DPP10: variants seen among roughly 807,000 people sequenced by gnomAD.
DPP10 encodes dipeptidyl peptidase like 10.
DPP10 carries 33 observed loss-of-function variants against 120.9 expected under a neutral mutation model. The observed-to-expected ratio is 0.27, with a 90% confidence interval of 0.21 to 0.37. The LOEUF (loss-of-function observed/expected upper bound fraction) is 0.37, where lower values mean the gene tolerates loss of function less well. DPP10 is among the 10% of genes least tolerant of loss of function. The probability of loss-of-function intolerance (pLI) is 1.00; values close to 1 mark genes in which losing one functional copy is unlikely to be tolerated. For synonymous variants in DPP10, 337 were observed against 326.1 expected (o/e 1.03, Z -0.36); for missense variants, 816 against 942.8 (o/e 0.87, Z 1.76).
intron 1 of DPP10, among the ~76,000 whole-genome samples, chr2:115,222,928 G>A (rs150643228): frequency 7.2e-5 from 11 of 152,088 alleles, no homozygotes; most frequent in Admixed American, 5.9e-4. Context: ...GTAGCATACC[G>A]AAAGAACAAA....
rs533869623 is a variant in DPP10 at position 114,473,299 on chromosome 2, G to C, written c.60+30461G>C. 3.3e-5 allele frequency among the ~76,000 whole-genome samples: 5 copies of C among 152,246 alleles called. No individual in the cohort carries two copies. The East Asian group carries it at 9.6e-4, about 29-fold the overall frequency. The stretch of plus-strand genomic sequence containing the variant: ...TAAAATTACTCATTCACTTTTCTAT[G>C]ATGAATGAAACTCTAGTGATAAATA... On this transcript the variant is annotated intron_variant, in intron 1 of 25. Coordinates refer to ENST00000410059, the MANE Select transcript of DPP10 (RefSeq NM_020868.6).
chr2:114,728,077 T>C (rs1302827006), intron 1 of DPP10, among the ~76,000 whole-genome samples: 1 of 152,174 alleles, frequency 6.6e-6, no homozygotes, highest in Non-Finnish European at 1.5e-5. Context: ...TTTTCCTTCT[T>C]CTCTTTTCCA....
In DPP10 at chr2:115,842,426, C is replaced by CTTCTCAGATA; in HGVS notation, c.*81_*82insTTCTCAGATA. Reference sequence around the variant, plus strand: ...AAGAGACTGTAATATTGTAGTTGCTCCAGAATGTCAAGGGCAGCTTACGGA... The same window carrying CTTCTCAGATA: ...AAGAGACTGTAATATTGTAGTTGCTCTTCTCAGATACAGAATGTCAAGGGCAGCTTACGGA... On this transcript the variant is annotated 3_prime_UTR_variant, in exon 26 of 26. Transcript: ENST00000410059. 1 of 1,498,864 alleles carries CTTCTCAGATA rather than the reference C, an allele frequency of 6.7e-7. No individual in the cohort carries two copies. Among genetic ancestry groups the CTTCTCAGATA allele is most frequent in the Non-Finnish European group, 9.0e-7 (1 of 1,112,668 alleles). 92.8% of individuals were successfully genotyped at this position (1,498,864 alleles called of 1,614,324 possible). A position where few individuals can be genotyped will look rare whatever the true frequency, so the allele number is the denominator to read the frequency against.
intron 1 of DPP10, among the ~76,000 whole-genome samples, chr2:114,734,401 G>A (rs930638368): frequency 6.6e-6 from 1 of 152,058 alleles, no homozygotes; most frequent in Non-Finnish European, 1.5e-5. Flanking sequence ...TCAATCACAG[G>A]TCTTTAAACA....
intron 1 of DPP10, among the ~76,000 whole-genome samples, chr2:115,169,569 A>G (rs1055059596): frequency 3.9e-5 from 6 of 152,128 alleles, no homozygotes; most frequent in Non-Finnish European, 5.9e-5. Flanking sequence ...TGAAGAGTCT[A>G]TTTTCACAAA....
At chr2:115,100,512 T>A (rs2048633644) in intron 1 of DPP10, among the ~76,000 whole-genome samples, 1 of 151,736 alleles carries the variant, frequency 6.6e-6, no homozygotes, top group Admixed American at 6.6e-5. Context: ...TATATAAGAA[T>A]TATATATATA....
intron 1 of DPP10, among the ~76,000 whole-genome samples, chr2:114,771,539 A>G (rs553494311): frequency 1.4e-3 from 207 of 152,352 alleles, no homozygotes; most frequent in Admixed American, 2.0e-3. Context: ...AAGAGCACAA[A>G]CGATCTTGTG....
intron 5 of DPP10, among the ~76,000 whole-genome samples, chr2:115,655,967 G>A (rs1366040489): frequency 1.3e-5 from 2 of 151,510 alleles, no homozygotes; most frequent in Admixed American, 1.3e-4. Context: ...CAGGGACTGC[G>A]TGAGGAGAAA....
At chr2:115,607,805 A>T (rs2083799665) in intron 5 of DPP10, among the ~76,000 whole-genome samples, 1 of 152,102 alleles carries the variant, frequency 6.6e-6, no homozygotes, top group African/African-American at 2.4e-5. Flanking sequence ...AATGTAAAGG[A>T]AGTAGACGCC....
At chr2:114,739,036 C>T (rs551268687) in intron 1 of DPP10, among the ~76,000 whole-genome samples, 1 of 152,274 alleles carries the variant, frequency 6.6e-6, no homozygotes, top group African/African-American at 2.4e-5. Context: ...ATTTACTCTG[C>T]CCATTTCCTA....
intron 1 of DPP10, among the ~76,000 whole-genome samples, chr2:114,443,629 T>C (rs1388592548): frequency 6.6e-6 from 1 of 151,948 alleles, no homozygotes; most frequent in East Asian, 1.9e-4. Flanking sequence ...TTTACTTGAA[T>C]TGTATTATTA....
intron 1 of DPP10, among the ~76,000 whole-genome samples, chr2:115,105,207 A>G (rs980630439): frequency 1.3e-5 from 2 of 152,130 alleles, no homozygotes; most frequent in Admixed American, 6.6e-5. Flanking sequence ...TGAGATGATT[A>G]TGTCATGATT....
At chr2:115,682,543 A>G (rs533484320) in intron 5 of DPP10, among the ~76,000 whole-genome samples, 6 of 151,914 alleles carry the variant, frequency 3.9e-5, no homozygotes, top group Non-Finnish European at 8.8e-5. Flanking sequence ...GCTTATTTAT[A>G]TAACAGGGAA....
At chr2:114,941,049 C>T (rs567896866) in intron 1 of DPP10, among the ~76,000 whole-genome samples, 112 of 152,238 alleles carry the variant, frequency 7.4e-4, no homozygotes, top group Non-Finnish European at 1.2e-3. Context: ...ATCACATTAC[C>T]GAATACTTTT....
intron 1 of DPP10, among the ~76,000 whole-genome samples, chr2:115,308,442 C>T (rs2061445674): frequency 6.6e-6 from 1 of 152,030 alleles, no homozygotes; most frequent in African/African-American, 2.4e-5. Flanking sequence ...GCAAAAAAAG[C>T]TGACTTTCAT....
intron 4 of DPP10, among the ~76,000 whole-genome samples, chr2:115,503,261 T>C (rs1453238502): frequency 1.3e-5 from 2 of 152,120 alleles, no homozygotes; most frequent in African/African-American, 4.8e-5. Flanking sequence ...GGAAGATTCA[T>C]TGATTTATAA....
At chr2:115,343,116 G>A (rs2063531335) in intron 2 of DPP10, among the ~76,000 whole-genome samples, 1 of 152,148 alleles carries the variant, frequency 6.6e-6, no homozygotes, top group Non-Finnish European at 1.5e-5. Context: ...GCATGTAAAA[G>A]GGTGTTTGTA....
At chr2:115,378,779 C>G (rs559098320) in intron 3 of DPP10, among the ~76,000 whole-genome samples, 1 of 152,278 alleles carries the variant, frequency 6.6e-6, no homozygotes, top group East Asian at 1.9e-4. Context: ...TGAATTTTGT[C>G]AAAGGCCTTT....
chr2:114,572,413 C>T (rs909228055), intron 1 of DPP10, among the ~76,000 whole-genome samples: 2 of 152,102 alleles, frequency 1.3e-5, no homozygotes, highest in Admixed American at 1.3e-4. Context: ...ACGAAAAGAT[C>T]GTATCTATCA....
Sources: gnomAD v4.1 joint callset for allele counts (sites outside exome capture counted in the v4.1 genomes callset) on GRCh38, gnomAD v4.1.1 for gene constraint, MANE v1.5 for transcripts, NCBI Gene and HGNC (gene_info 2026-07-23, HGNC 2026-07-21) for gene names.